Variants in FOXO1 observed in about 807,000 individuals in gnomAD.
FOXO1 encodes forkhead box protein O1.
In FOXO1, 6 loss-of-function variants were observed where a neutral mutation model predicts 44.1. That is an observed-to-expected ratio of 0.14 (90% confidence interval 0.07 to 0.27). The LOEUF is 0.27. Ranked by LOEUF, FOXO1 falls within the 10% of genes least tolerant of loss-of-function variation. The pLI, the probability that FOXO1 is intolerant of heterozygous loss-of-function variation, is 1.00. For synonymous variants in FOXO1, 380 were observed against 362.7 expected (o/e 1.05, Z -0.54); for missense variants, 737 against 888.8 (o/e 0.83, Z 2.17).
At position 40,560,978 on chromosome 13, in the gene FOXO1, C is replaced by A. The variant is rs1873989949; in HGVS notation, c.631-118G>T. 2.1e-6 allele frequency: 2 copies of A among 974,714 alleles called. No individual in the cohort carries two copies. The highest frequency in any genetic ancestry group is 3.3e-5 in the African/African-American group (2 of 60,942). 60.4% of individuals were successfully genotyped at this position (974,714 alleles called of 1,614,324 possible). On this transcript the variant is annotated intron_variant, in intron 1 of 2. Transcript: ENST00000379561. This position sits in a 1 kb window ranked among gnomAD's most constrained non-coding sequence, Gnocchi z 5.1. ...TCTTAAGAGTGTGTGCTACAGATTT[C>A]CATCTGAACAGTCCTAATGGCTCTG...
chr13:40,633,241 T>C (rs1877035376), intron 1 of FOXO1, among the ~76,000 whole-genome samples: 1 of 152,238 alleles, frequency 6.6e-6, no homozygotes, highest in Admixed American at 6.5e-5. Flanking sequence ...GCCCAAGCCA[T>C]TTCATTCCTA....
At chr13:40,609,889 T>C (rs778328439) in intron 1 of FOXO1, among the ~76,000 whole-genome samples, 8 of 152,168 alleles carry the variant, frequency 5.3e-5, no homozygotes, top group Non-Finnish European at 7.3e-5. Context: ...ACCTGTGACT[T>C]TGACACCAAT....
At chr13:40,564,761 G>A (rs951173322) in intron 1 of FOXO1, among the ~76,000 whole-genome samples, 4 of 152,234 alleles carry the variant, frequency 2.6e-5, no homozygotes, top group South Asian at 2.1e-4. Context: ...CAAATCCAGC[G>A]TTTCTACATG....
chr13:40,661,325 G>A (rs1056883150), intron 1 of FOXO1, among the ~76,000 whole-genome samples: 1 of 151,818 alleles, frequency 6.6e-6, no homozygotes, highest in South Asian at 2.1e-4. Context: ...GCCCAGGTTG[G>A]AGGTCAGTGA....
At chr13:40,631,997 C>T (rs1162341432) in intron 1 of FOXO1, among the ~76,000 whole-genome samples, 1 of 152,152 alleles carries the variant, frequency 6.6e-6, no homozygotes, top group South Asian at 2.1e-4. Flanking sequence ...CCCAGCAGGG[C>T]ATGGTGGCTC....
intron 1 of FOXO1, among the ~76,000 whole-genome samples, chr13:40,564,123 G>A (rs973786676): frequency 1.3e-5 from 2 of 152,134 alleles, no homozygotes; most frequent in Admixed American, 6.6e-5. Context: ...TGGGGAGAGG[G>A]GGTGAAGCTC....
chr13:40,656,190 T>C (rs143131436), intron 1 of FOXO1, among the ~76,000 whole-genome samples: 73 of 152,310 alleles, frequency 4.8e-4, no homozygotes, highest in Non-Finnish European at 8.4e-4. Context: ...ATTATAATCT[T>C]CATTCTTGCA....
intron 1 of FOXO1, among the ~76,000 whole-genome samples, chr13:40,632,118 A>C (rs996156565): frequency 1.5e-4 from 23 of 152,128 alleles, no homozygotes; most frequent in African/African-American, 5.6e-4. Context: ...AAAAATACAA[A>C]AAATTAGCCA....
chr13:40,611,911 G>GAA (rs1876247480), intron 1 of FOXO1, among the ~76,000 whole-genome samples: 1 of 151,896 alleles, frequency 6.6e-6, no homozygotes, highest in African/African-American at 2.4e-5. Flanking sequence ...CGTCTCTACT[G>GAA]AAAATACAAA....
chr13:40,652,289 CTT>C (rs777152612), intron 1 of FOXO1, among the ~76,000 whole-genome samples: 54 of 133,446 alleles, frequency 4.0e-4, no homozygotes, highest in Non-Finnish European at 3.3e-4. Context: ...ACTGGTGATT[CTT>C]TTTTTTTTTT....
At position 40,560,657 on chromosome 13, in the gene FOXO1, C is replaced by A. The variant is rs769622051; in HGVS notation, c.834G>T (p.Gln278His). The A allele has an allele frequency of 6.2e-7, 1 of 1,614,208 alleles. No homozygotes were observed. Among genetic ancestry groups the A allele is most frequent in the Non-Finnish European group, 8.5e-7 (1 of 1,180,044 alleles). Residue 278 changes from glutamine to histidine, a missense_variant, in exon 2 of 3, where the codon CAG becomes CAT. Physicochemically the swap from Gln to His is conservative, Grantham distance 24. Transcript: ENST00000379561. This position sits in a 1 kb window ranked among gnomAD's most constrained non-coding sequence, Gnocchi z 5.1. Reference sequence around the variant, plus strand: ...TGTCCCCAGCACCCTCCTGGCCAGACTGGAGAGATGCTTTCTTCTTGGCAG... The same window carrying A: ...TGTCCCCAGCACCCTCCTGGCCAGAATGGAGAGATGCTTTCTTCTTGGCAG... ...SRAAKKKASL[Q>H]SGQEGAGDSP...
intron 1 of FOXO1, among the ~76,000 whole-genome samples, chr13:40,572,388 A>C (rs1287572009): frequency 7.2e-6 from 1 of 139,368 alleles, no homozygotes; most frequent in Non-Finnish European, 1.5e-5. Flanking sequence ...ACAGAGTACC[A>C]AGTCTAGATT....
chr13:40,649,429 T>C (rs1392146845), intron 1 of FOXO1, among the ~76,000 whole-genome samples: 1 of 152,204 alleles, frequency 6.6e-6, no homozygotes, highest in African/African-American at 2.4e-5. Flanking sequence ...ACAGAATTGA[T>C]GACTTCTGTG....
intron 1 of FOXO1, among the ~76,000 whole-genome samples, chr13:40,571,671 G>A (rs1355919534): frequency 6.6e-6 from 1 of 152,208 alleles, no homozygotes; most frequent in South Asian, 2.1e-4. Context: ...GGCTGTCTCA[G>A]ATGCAAAAGG....
chr13:40,562,085 G>A (rs1874049585), intron 1 of FOXO1, among the ~76,000 whole-genome samples: 1 of 152,130 alleles, frequency 6.6e-6, no homozygotes, highest in South Asian at 2.1e-4. Flanking sequence ...CAGAGTCATT[G>A]CTTTTGTATT....
intron 1 of FOXO1, among the ~76,000 whole-genome samples, chr13:40,628,356 TAC>T (rs34314244): frequency 0.067 from 9,642 of 144,868 alleles, 409 homozygotes; most frequent in African/African-American, 0.12. Flanking sequence ...AAGAGCTGTT[TAC>T]ACACACACAC....
intron 1 of FOXO1, among the ~76,000 whole-genome samples, chr13:40,637,705 C>T (rs1302713614): frequency 6.6e-6 from 1 of 152,152 alleles, no homozygotes; most frequent in Non-Finnish European, 1.5e-5. Flanking sequence ...ATAAGAGTTA[C>T]TATTTACATT....
intron 1 of FOXO1, among the ~76,000 whole-genome samples, chr13:40,638,980 C>T (rs1420616094): frequency 1.3e-5 from 2 of 152,080 alleles, no homozygotes; most frequent in South Asian, 2.1e-4. Flanking sequence ...GATCACCTGA[C>T]GTCAGGAGTT....
chr13:40,557,493 G>C lies in FOXO1; in HGVS notation c.*1556C>G, dbSNP rs1420109643. The stretch of plus-strand genomic sequence containing the variant: ...TCAAATAAATCTCCCCAATTTTTAA[G>C]TAAGTTCTATTCCATTTGCTACCCA... On this transcript the variant is annotated 3_prime_UTR_variant, in exon 3 of 3. Transcript: ENST00000379561. 1 of 152,216 alleles carries C rather than the reference G, an allele frequency of 6.6e-6. No homozygotes were observed. The allele number at this position is 152,216 out of a possible 1,614,324, so 9.4% of individuals were successfully genotyped here. A position where few individuals can be genotyped will look rare whatever the true frequency, so the allele number is the denominator to read the frequency against.
Sources: gnomAD v4.1 joint callset for allele counts (sites outside exome capture counted in the v4.1 genomes callset) on GRCh38, gnomAD v4.1.1 for gene constraint, Gnocchi (gnomAD v3.1) non-coding constraint, MANE v1.5 for transcripts, NCBI Gene and HGNC (gene_info 2026-07-23, HGNC 2026-07-21) for gene names.